The following ANKRD12 variants were observed in gnomAD, a reference collection of about 807,000 sequenced individuals.
The protein encoded by ANKRD12 is ankyrin repeat domain-containing protein 12.
ANKRD12 carries 85 observed loss-of-function variants against 183.4 expected under a neutral mutation model. The observed-to-expected ratio is 0.46, with a 90% confidence interval of 0.39 to 0.56. The LOEUF is 0.56. Ranked by LOEUF, ANKRD12 falls within the 20% of genes least tolerant of loss-of-function variation. The pLI is 0.00. For missense variants in ANKRD12, 2,405 were observed against 2,357.1 expected (o/e 1.02, Z -0.42); for synonymous variants, 914 against 800.2 (o/e 1.14, Z -2.40).
intron 2 of ANKRD12, among the ~76,000 whole-genome samples, chr18:9,194,372 T>TTTAC (rs1340879229): frequency 7.1e-6 from 1 of 140,810 alleles, no homozygotes; most frequent in East Asian, 2.1e-4. Flanking sequence ...TATTTATTTA[T>TTTAC]TGAGACAGAG....
chr18:9,215,749 C>T (rs947776187), intron 6 of ANKRD12, among the ~76,000 whole-genome samples: 1 of 151,832 alleles, frequency 6.6e-6, no homozygotes, highest in Non-Finnish European at 1.5e-5. Flanking sequence ...GTTGTCATGA[C>T]GTCACAGGAT....
In ANKRD12 at chr18:9,255,790, T is replaced by G. The variant is rs138072329; in HGVS notation, c.2523T>G (p.Phe841Leu). ...TTGAGAAGATGGAAAGAAAAACCTT[T>G]GAAAAAGAAAAGAAGATAAAACATG... The part of the protein sequence containing the change: ...KDIEKMERKT[F>L]EKEKKIKHEH... The change falls in exon 9 of 13, where the codon TTT (phenylalanine) becomes TTG (leucine). Residue 841 changes from phenylalanine (F) to leucine (L), a missense_variant. By Grantham distance (22) the Phe-to-Leu change is conservative. This residue lies in a region of ANKRD12 where 1,983 missense variants were observed against 1,725.9 expected (regional missense o/e 1.15). Coordinates refer to ENST00000262126, the MANE Select transcript of ANKRD12 (RefSeq NM_015208.5). 2,068 of 1,573,494 alleles carry G rather than the reference T, an allele frequency of 1.3e-3. 7 individuals are homozygous for G. Among genetic ancestry groups the G allele is most frequent in the Non-Finnish European group, 1.6e-3 (1,886 of 1,168,818 alleles).
At position 9,192,930 on chromosome 18, in the gene ANKRD12, C is replaced by T. The variant is rs187823822; in HGVS notation, c.88-2621C>T. Among the ~76,000 whole-genome samples the T allele has an allele frequency of 5.7e-4, 86 of 151,814 alleles. No homozygotes were observed. The East Asian group carries it at 7.8e-3, about 14-fold the overall frequency. On this transcript the variant is annotated intron_variant, in intron 2 of 12. Coordinates refer to ENST00000262126, the MANE Select transcript of ANKRD12 (RefSeq NM_015208.5). Reference sequence around the variant, plus strand: ...AACTCCTGTCCTCAAGTGATCCATCCGCCTCAGCCTCCCAGAGCATTGGGA... The same window carrying T: ...AACTCCTGTCCTCAAGTGATCCATCTGCCTCAGCCTCCCAGAGCATTGGGA...
At position 9,255,527 on chromosome 18, in the gene ANKRD12, A is replaced by G; in HGVS notation, c.2260A>G (p.Ile754Val). The G allele has an allele frequency of 1.3e-6, 2 of 1,578,744 alleles. No homozygotes were observed. Among genetic ancestry groups the G allele is most frequent in the Non-Finnish European group, 8.5e-7 (1 of 1,170,988 alleles). ...ERNFKEERDK[I>V]KKESEKSFRE... is the part of the protein sequence containing the mutation. Reference sequence around the variant, plus strand: ...GAACTTTAAAGAGGAACGAGACAAGATTAAAAAGGAAAGCGAGAAATCTTT... The same window carrying G: ...GAACTTTAAAGAGGAACGAGACAAGGTTAAAAAGGAAAGCGAGAAATCTTT... The change falls in exon 9 of 13, where the codon ATT becomes GTT. Residue 754 changes from isoleucine to valine, a missense_variant. This residue lies in a region of ANKRD12 where 1,983 missense variants were observed against 1,725.9 expected (regional missense o/e 1.15). Transcript: ENST00000262126.
In ANKRD12 at chr18:9,282,260, A is replaced by T. The variant is rs1248759149; in HGVS notation, c.*1134A>T. ...AATAGCCTTTGCACTTTTAAAATAA[A>T]AACCAAGTATGCAAATCAAAGATAT... is the stretch of plus-strand genomic sequence containing the variant. On this transcript the variant is annotated 3_prime_UTR_variant, in exon 13 of 13. Transcript: ENST00000262126. 2 of 152,588 alleles carry T rather than the reference A, an allele frequency of 1.3e-5. No individual in the cohort carries two copies. Among genetic ancestry groups the T allele is most frequent in the Non-Finnish European group, 1.5e-5 (1 of 67,974 alleles). The allele number at this position is 152,588 out of a possible 1,614,324, so 9.5% of individuals were successfully genotyped here. A position where few individuals can be genotyped will look rare whatever the true frequency, so the allele number is the denominator to read the frequency against.
At chr18:9,227,997 C>CT (rs1567940423) in intron 8 of ANKRD12, among the ~76,000 whole-genome samples, 1 of 152,160 alleles carries the variant, frequency 6.6e-6, no homozygotes, top group African/African-American at 2.4e-5. Flanking sequence ...ATTCTAGTCT[C>CT]TATGTCCATG....
intron 2 of ANKRD12, among the ~76,000 whole-genome samples, chr18:9,187,517 T>C (rs773820146): frequency 2.0e-5 from 3 of 152,214 alleles, no homozygotes; most frequent in Non-Finnish European, 2.9e-5. Context: ...TAAAATAACC[T>C]AAACCAAAAT....
In ANKRD12 at chr18:9,196,079, T is replaced by G. The variant is rs187395586; in HGVS notation, c.235+381T>G. ...ACACCCCAAAGAAGTTTAGGCACTT[T>G]AGATTCAGAAATAAATTAGAAACAT... On this transcript the variant is annotated intron_variant, in intron 3 of 12. Coordinates refer to ENST00000262126, the MANE Select transcript of ANKRD12 (RefSeq NM_015208.5). Among the ~76,000 whole-genome samples the G allele has an allele frequency of 2.5e-3, 353 of 143,044 alleles. 3 individuals are homozygous for G. Among genetic ancestry groups the G allele is most frequent in the Middle Eastern group, 7.4e-3 (2 of 272 alleles). The allele number at this position is 143,044 out of a possible 152,430, so 93.8% of individuals were successfully genotyped here. A position where few individuals can be genotyped will look rare whatever the true frequency, so the allele number is the denominator to read the frequency against.
chr18:9,179,563 T>G (rs746604051), intron 1 of ANKRD12, among the ~76,000 whole-genome samples: 3 of 152,166 alleles, frequency 2.0e-5, no homozygotes, highest in Admixed American at 2.0e-4. Context: ...TCACCCAGAC[T>G]GGAGTGCAGT....
intron 8 of ANKRD12, among the ~76,000 whole-genome samples, chr18:9,226,860 T>A (rs1372807361): frequency 6.6e-6 from 1 of 152,096 alleles, no homozygotes; most frequent in Non-Finnish European, 1.5e-5. Context: ...TCATGAAAGA[T>A]TAAGAAATGG....
rs1032676873 is a variant in ANKRD12 at position 9,136,859 on chromosome 18, C to G, written c.-158C>G. 2 of 152,362 alleles carry G rather than the reference C, an allele frequency of 1.3e-5. No individual in the cohort carries two copies. The highest frequency in any genetic ancestry group is 2.9e-5 in the Non-Finnish European group (2 of 68,164). The allele number at this position is 152,362 out of a possible 1,614,324, so 9.4% of individuals were successfully genotyped here. A position where few individuals can be genotyped will look rare whatever the true frequency, so the allele number is the denominator to read the frequency against. ...ACCGGAGATGTTTTCAAGCCCGGCT[C>G]CGGCGGCTTTACAGGCGGCTGCAGC... is the stretch of plus-strand genomic sequence containing the variant. On this transcript the variant is annotated 5_prime_UTR_variant, in exon 1 of 13. Transcript: ENST00000262126.
chr18:9,192,550 G>A (rs754258358), intron 2 of ANKRD12, among the ~76,000 whole-genome samples: 1 of 152,108 alleles, frequency 6.6e-6, no homozygotes, highest in Non-Finnish European at 1.5e-5. Flanking sequence ...AATGAATTGG[G>A]TAACTTCTAA....
At chr18:9,151,584 G>A (rs2078687354) in intron 1 of ANKRD12, among the ~76,000 whole-genome samples, 1 of 152,216 alleles carries the variant, frequency 6.6e-6, no homozygotes, top group African/African-American at 2.4e-5. Context: ...CATAAAAAGT[G>A]ATGGTCACTT....
intron 1 of ANKRD12, among the ~76,000 whole-genome samples, chr18:9,170,745 T>TGA (rs2032625338): frequency 6.6e-6 from 1 of 152,200 alleles, no homozygotes; most frequent in African/African-American, 2.4e-5. Flanking sequence ...CCATTGCTGG[T>TGA]GAGGAGCTGC....
intron 2 of ANKRD12, among the ~76,000 whole-genome samples, chr18:9,187,778 C>T (rs1442319902): frequency 6.6e-6 from 1 of 152,114 alleles, no homozygotes. Flanking sequence ...TTTATAAACT[C>T]TGTTAAGATA....
At chr18:9,253,943 T>C (rs1197543225) in intron 8 of ANKRD12, among the ~76,000 whole-genome samples, 1 of 152,202 alleles carries the variant, frequency 6.6e-6, no homozygotes, top group Non-Finnish European at 1.5e-5. Flanking sequence ...GTTTTTATAC[T>C]ATATATTGTG....
At chr18:9,227,618 G>C (rs755465135) in intron 8 of ANKRD12, among the ~76,000 whole-genome samples, 4 of 152,120 alleles carry the variant, frequency 2.6e-5, no homozygotes. Context: ...ATAAATTGCC[G>C]TGGTTTGAAA....
chr18:9,142,020 C>T (rs2078333038), intron 1 of ANKRD12, among the ~76,000 whole-genome samples: 1 of 152,082 alleles, frequency 6.6e-6, no homozygotes, highest in African/African-American at 2.4e-5. Context: ...CTTCACCCTC[C>T]CTAGTAGCTG....
chr18:9,152,259 CAG>C (rs375620362), intron 1 of ANKRD12, among the ~76,000 whole-genome samples: 13 of 152,242 alleles, frequency 8.5e-5, no homozygotes, highest in African/African-American at 3.1e-4. Flanking sequence ...ACAGTCATAA[CAG>C]AGAACAGAAG....
Sources: gnomAD v4.1 joint callset for allele counts (sites outside exome capture counted in the v4.1 genomes callset) on GRCh38, gnomAD v4.1.1 for gene constraint, gnomAD v4.1.1 regional missense constraint, MANE v1.5 for transcripts, NCBI Gene and HGNC (gene_info 2026-07-23, HGNC 2026-07-21) for gene names.